FRAS1: variants seen among roughly 807,000 people sequenced by gnomAD.
The protein encoded by FRAS1 is extracellular matrix organizing protein FRAS1.
In FRAS1, 290 loss-of-function variants were observed where a neutral mutation model predicts 435.2. That is an observed-to-expected ratio of 0.67 (90% CI 0.61 to 0.73). The LOEUF (loss-of-function observed/expected upper bound fraction) is 0.73. Ranked by LOEUF, FRAS1 falls within the 30% of genes least tolerant of loss-of-function variation. FRAS1 has a pLI of 0.00. For missense variants in FRAS1, 4,860 were observed against 5,001.5 expected (o/e 0.97, Z 0.85); for synonymous variants, 1,800 against 1,851.0 (o/e 0.97, Z 0.71).
At chr4:78,210,595 A>T (rs966660802) in intron 2 of FRAS1, among the ~76,000 whole-genome samples, 9 of 152,144 alleles carry the variant, frequency 5.9e-5, no homozygotes, top group African/African-American at 2.2e-4. Flanking sequence ...CAGGCTTTTC[A>T]TATCTCAGGG....
intron 2 of FRAS1, among the ~76,000 whole-genome samples, chr4:78,182,927 TG>T (rs1722094330): frequency 1.3e-5 from 2 of 148,710 alleles, no homozygotes; most frequent in East Asian, 3.9e-4. Context: ...GACAGAGAAC[TG>T]TGTGAGTCTG....
intron 41 of FRAS1, among the ~76,000 whole-genome samples, chr4:78,445,122 TA>T (rs1375589019): frequency 1.3e-5 from 2 of 152,236 alleles, no homozygotes; most frequent in Non-Finnish European, 2.9e-5. Context: ...ATATGCCAGA[TA>T]GAATGGTTTT....
At chr4:78,085,904 T>G (rs1741134211) in intron 2 of FRAS1, among the ~76,000 whole-genome samples, 1 of 152,136 alleles carries the variant, frequency 6.6e-6, no homozygotes, top group African/African-American at 2.4e-5. Context: ...GGAATTGAAC[T>G]CAGCTCTGCA....
At chr4:78,423,076 G>C (rs941919530) in intron 34 of FRAS1, among the ~76,000 whole-genome samples, 7 of 152,058 alleles carry the variant, frequency 4.6e-5, no homozygotes, top group Admixed American at 3.3e-4. Flanking sequence ...CAAGGTTGCT[G>C]ACCAGAAAGC....
intron 52 of FRAS1, among the ~76,000 whole-genome samples, chr4:78,473,016 T>C (rs1296075376): frequency 6.6e-6 from 1 of 152,232 alleles, no homozygotes; most frequent in Non-Finnish European, 1.5e-5. Context: ...GCTATTCTTA[T>C]TAGCACATAC....
intron 20 of FRAS1, among the ~76,000 whole-genome samples, chr4:78,340,271 T>C (rs1395321981): frequency 6.6e-6 from 1 of 152,160 alleles, no homozygotes; most frequent in African/African-American, 2.4e-5. Flanking sequence ...GAATTAGGTG[T>C]ATTAAGTAAT....
rs2110155755 is a variant in FRAS1, at chr4:78,267,413, C to G, written c.962C>G (p.Ala321Gly). Residue 321 changes from alanine to glycine, a missense_variant, in exon 9 of 74, where the codon GCC becomes GGC. Ala to Gly is a moderately conservative substitution (Grantham distance 60). Coordinates refer to ENST00000512123, the MANE Select transcript of FRAS1 (RefSeq NM_025074.7). The stretch of plus-strand genomic sequence containing the variant: ...GTGACCTGCCAGACTGGAGAGTGTG[C>G]CAAAGTGGAGTGTGCCCGGGTAAGA... ...GQVTCQTGECAKVECARDEEL... is the reference protein window; with the variant it reads ...GQVTCQTGECGKVECARDEEL... 1.2e-6 allele frequency: 2 copies of G among 1,613,704 alleles called. No homozygotes were observed. Among genetic ancestry groups the G allele is most frequent in the East Asian group, 4.5e-5 (2 of 44,864 alleles).
In FRAS1 at chr4:78,315,698, G is replaced by A. The variant is rs149843493; in HGVS notation, c.1783G>A (p.Gly595Ser). The change falls in exon 16 of 74, where the codon GGC becomes AGC. Residue 595 changes from glycine (G) to serine (S), a missense_variant. Coordinates refer to ENST00000512123, the MANE Select transcript of FRAS1 (RefSeq NM_025074.7). ...TGGGAAATGCATGTCTGAATGCCCT[G>A]GCGGGTACTATGCTGATGCCACTGG... is the stretch of plus-strand genomic sequence containing the variant. ...HDGKCMSECP[G>S]GYYADATGRC... 1,144 of 1,614,020 alleles carry A rather than the reference G, an allele frequency of 7.1e-4. 2 individuals carry two copies. The highest frequency in any genetic ancestry group is 8.3e-4 in the Non-Finnish European group (974 of 1,179,890).
In FRAS1 at chr4:78,391,972, A is replaced by G. The variant is rs772429040; in HGVS notation, c.3975+4271A>G. On this transcript the variant is annotated intron_variant, in intron 29 of 73. Coordinates refer to ENST00000512123, the MANE Select transcript of FRAS1 (RefSeq NM_025074.7). ...ATAAATAACTAAATCCTTGCCATAT[A>G]TGAGGGTTTCACCTTTTGGGGGGGT... Among the ~76,000 whole-genome samples the G allele has an allele frequency of 6.0e-5, 9 of 149,666 alleles. No homozygotes were observed. In the East Asian group the frequency reaches 1.5e-3, roughly 26 times the overall value.
chr4:78,137,231 A>G (rs927901094), intron 2 of FRAS1, among the ~76,000 whole-genome samples: 1 of 152,186 alleles, frequency 6.6e-6, no homozygotes, highest in African/African-American at 2.4e-5. Context: ...TAAGAGTCTA[A>G]TGCCAGCTCC....
chr4:78,405,761 C>T (rs1175145697), intron 30 of FRAS1, among the ~76,000 whole-genome samples: 2 of 152,230 alleles, frequency 1.3e-5, no homozygotes, highest in African/African-American at 4.8e-5. Flanking sequence ...CTTCCTCACC[C>T]TCTCCCTCCC....
rs907004577 is a variant in FRAS1, at chr4:78,088,307, C to T, written c.108+22291C>T. 1.2e-4 allele frequency among the ~76,000 whole-genome samples: 19 copies of T among 152,188 alleles called. 2 individuals carry two copies. Among genetic ancestry groups the T allele is most frequent in the Admixed American group, 1.1e-3 (17 of 15,272 alleles). ...ATGGATTAAAGACTTAGATGTTAGA[C>T]CTAAAACCATAAAAACCTTAGAGGA... On this transcript the variant is annotated intron_variant, in intron 2 of 73. Coordinates refer to ENST00000512123, the MANE Select transcript of FRAS1 (RefSeq NM_025074.7).
At chr4:78,147,601 G>A (rs1296634583) in intron 2 of FRAS1, among the ~76,000 whole-genome samples, 1 of 152,172 alleles carries the variant, frequency 6.6e-6, no homozygotes, top group Non-Finnish European at 1.5e-5. Flanking sequence ...AAGCCTGTAA[G>A]GAGAGTGGAG....
intron 14 of FRAS1, among the ~76,000 whole-genome samples, chr4:78,304,265 T>G (rs935424752): frequency 2.6e-5 from 4 of 152,186 alleles, no homozygotes; most frequent in Non-Finnish European, 5.9e-5. Flanking sequence ...TGCCAGTATT[T>G]TATTGAGTAT....
At chr4:78,198,108 G>A (rs1000181411) in intron 2 of FRAS1, among the ~76,000 whole-genome samples, 2 of 152,042 alleles carry the variant, frequency 1.3e-5, no homozygotes, top group Non-Finnish European at 2.9e-5. Context: ...CTCTCTGACC[G>A]AGCCCCCATC....
chr4:78,216,457 A>G (rs1723773193), intron 2 of FRAS1, among the ~76,000 whole-genome samples: 1 of 152,228 alleles, frequency 6.6e-6, no homozygotes, highest in Admixed American at 6.5e-5. Context: ...TGCATAAGGG[A>G]ATGATTTCAT....
chr4:78,282,165 CCTCTGTCTCTTTCCTGTT>C (rs1054259525), intron 11 of FRAS1, among the ~76,000 whole-genome samples: 2 of 151,580 alleles, frequency 1.3e-5, no homozygotes, highest in African/African-American at 4.8e-5. Context: ...CGGGTAAGAA[CCTCTGTCTCTTTCCTGTT>C]AGCAAAAATG....
intron 61 of FRAS1, among the ~76,000 whole-genome samples, chr4:78,504,660 G>A (rs1560416279): frequency 6.6e-6 from 1 of 152,092 alleles, no homozygotes. Flanking sequence ...ACAATGATGG[G>A]TCTTGACTCT....
At chr4:78,181,112 T>C (rs1430907300) in intron 2 of FRAS1, 2 of 1,569,688 alleles carry the variant, frequency 1.3e-6, no homozygotes, top group Non-Finnish European at 1.8e-6. Context: ...CACTCTTTGA[T>C]TTATGAAAAC....
Sources: allele counts gnomAD v4.1 joint callset (sites outside exome capture counted in the v4.1 genomes callset), GRCh38; gene constraint gnomAD v4.1.1; transcripts MANE v1.5; gene names NCBI Gene and HGNC (gene_info 2026-07-23, HGNC 2026-07-21).